The following TNN variants were observed in gnomAD, a reference collection of about 807,000 sequenced individuals.
The protein encoded by TNN is tenascin-N.
In TNN, 122 loss-of-function variants were observed where a neutral mutation model predicts 134.4. The observed-to-expected ratio is 0.91, with a 90% CI of 0.78 to 1.06. The LOEUF is 1.06. Among genes scored for constraint, TNN ranks in the 50% least tolerant of loss-of-function variants. The pLI is 0.00. For synonymous variants in TNN, 710 were observed against 670.3 expected, an observed-to-expected ratio of 1.06 and a Z score of -0.91; for missense variants, 1,739 against 1,699.4, an observed-to-expected ratio of 1.02 and a Z score of -0.41.
chr1:175,123,643 C>G lies in TNN; in HGVS notation c.2894C>G (p.Ala965Gly). The change falls in exon 12 of 19, where the codon GCT (alanine) becomes GGT (glycine). Residue 965 changes from alanine (A) to glycine (G), a missense_variant. Transcript: ENST00000239462. ...AQKGAQESKKADTKAQTELDP... is the reference protein window; with the variant it reads ...AQKGAQESKKGDTKAQTELDP... ...AAGGGGGCCCAGGAGAGCAAGAAGG[C>G]TGACACCAAGGCCCAGACAGGTACT... 6.2e-7 allele frequency: 1 copy of G among 1,614,222 alleles called. No homozygotes were observed. Among genetic ancestry groups the G allele is most frequent in the South Asian group, 1.1e-5 (1 of 91,090 alleles).
chr1:175,083,669 C>A, intron 4 of TNN, 81 bp from the exon 5 acceptor site: 1 of 1,365,500 alleles, frequency 7.3e-7, no homozygotes, highest in Non-Finnish European at 1.0e-6. Flanking sequence ...GGGAGCTGAC[C>A]TGATAACCAA....
chr1:175,079,225 T>A, intron 2 of TNN, 108 bp from the exon 3 acceptor site: 1 of 1,313,902 alleles, frequency 7.6e-7, no homozygotes, highest in East Asian at 2.8e-5. Flanking sequence ...ACCAGACCCT[T>A]AAGAGTGGGG....
At chr1:175,129,296 C>T (rs1390563975) in intron 15 of TNN, among the ~76,000 whole-genome samples, 2 of 152,138 alleles carry the variant, frequency 1.3e-5, no homozygotes, top group Non-Finnish European at 2.9e-5. Context: ...GTTTAGTAAA[C>T]ACTGTCAATC....
At position 175,077,728 on chromosome 1, in the gene TNN, A is replaced by T; in HGVS notation, c.310A>T (p.Ser104Cys). 6.2e-7 allele frequency: 1 copy of T among 1,614,252 alleles called. No homozygotes were observed. Among genetic ancestry groups the T allele is most frequent in the Admixed American group, 1.7e-5 (1 of 60,028 alleles). Residue 104 changes from serine (S) to cysteine (C), a missense_variant, in exon 2 of 19, where the codon AGT becomes TGT. Coordinates refer to ENST00000239462, the MANE Select transcript of TNN (RefSeq NM_022093.2). Reference sequence around the variant, plus strand: ...ACAGAAGGACTGCGAGTTGGCAGGCAGTGTCCAGGACCTCCTGGCCCGGGT... The same window carrying T: ...ACAGAAGGACTGCGAGTTGGCAGGCTGTGTCCAGGACCTCCTGGCCCGGGT... ...TPQKDCELAGSVQDLLARVKK... is the reference protein window; with the variant it reads ...TPQKDCELAGCVQDLLARVKK...
At chr1:175,075,970 T>C (rs1674029348) in intron 1 of TNN, among the ~76,000 whole-genome samples, 1 of 152,162 alleles carries the variant, frequency 6.6e-6, no homozygotes, top group African/African-American at 2.4e-5. Context: ...GGTCTTGGGT[T>C]AGTTACAGAA....
intron 9 of TNN, among the ~76,000 whole-genome samples, chr1:175,100,091 CAGAGCAACCAGCTA>C (rs1674681379): frequency 6.6e-6 from 1 of 152,208 alleles, no homozygotes; most frequent in Non-Finnish European, 1.5e-5. Flanking sequence ...TGCTCTGTGT[CAGAGCAACCAGCTA>C]TTTTCTTATC....
chr1:175,127,051 TTC>T lies in TNN; in HGVS notation c.3013_3014del (p.Leu1005AspfsTer10). ...CCCTCTGCTCAGATCCACGGCTACA[TTC>T]TGACTTACCAGTTCCCAGATGGCAC... is the stretch of plus-strand genomic sequence containing the variant. On this transcript the variant is annotated frameshift_variant, in exon 13 of 19. Coordinates refer to ENST00000239462, the MANE Select transcript of TNN (RefSeq NM_022093.2). LOFTEE classifies it high-confidence loss of function. 1 of 1,614,094 alleles carries T rather than the reference TTC, an allele frequency of 6.2e-7. No individual in the cohort carries two copies.
intron 1 of TNN, 79 bp from the exon 2 acceptor site, chr1:175,077,305 T>C: frequency 9.1e-7 from 1 of 1,100,344 alleles, no homozygotes; most frequent in Non-Finnish European, 1.3e-6. Flanking sequence ...TTCCTTGGGC[T>C]CTTAGAATCT....
At chr1:175,073,209 T>C (rs1473014257) in intron 1 of TNN, among the ~76,000 whole-genome samples, 1 of 152,156 alleles carries the variant, frequency 6.6e-6, no homozygotes, top group Admixed American at 6.5e-5. Context: ...ACACTGTGCA[T>C]CTGGGATTGC....
chr1:175,082,136 A>G (rs958769648), intron 4 of TNN, among the ~76,000 whole-genome samples: 3 of 152,212 alleles, frequency 2.0e-5, no homozygotes, highest in African/African-American at 7.2e-5. Context: ...TCTGGCTGGC[A>G]GAGTCTGCTT....
In TNN at chr1:175,102,905, A is replaced by G. The variant is rs1016572992; in HGVS notation, c.2119+4310A>G. Among the ~76,000 whole-genome samples the G allele has an allele frequency of 2.1e-5, 3 of 145,908 alleles. 1 individual carries two copies. Among genetic ancestry groups the G allele is most frequent in the African/African-American group, 7.4e-5 (3 of 40,572 alleles). On this transcript the variant is annotated intron_variant, in intron 9 of 18. Transcript: ENST00000239462. ...CAGGACACCCCAACTGCTGTTGGCA[A>G]TTTGGCCGATGACCACTCTAGCTAC...
chr1:175,097,437 C>G lies in TNN; in HGVS notation c.1609C>G (p.Leu537Val), dbSNP rs146254269. ...TAAAGAAATTGACAGCCCAGCAAAC[C>G]TGGTGACTGACCGGGTGACTGAGAA... Reference protein sequence around the residue: ...ALTEIDSPANLVTDRVTENTA... With the variant: ...ALTEIDSPANVVTDRVTENTA... The change falls in exon 8 of 19, where the codon CTG (leucine) becomes GTG (valine). Residue 537 changes from leucine to valine, a missense_variant. Leu to Val is a conservative substitution (Grantham distance 32). Coordinates refer to ENST00000239462, the MANE Select transcript of TNN (RefSeq NM_022093.2). The G allele has an allele frequency of 6.2e-7, 1 of 1,614,224 alleles. No homozygotes were observed.
intron 9 of TNN, among the ~76,000 whole-genome samples, chr1:175,100,428 G>A (rs559621383): frequency 3.3e-5 from 5 of 152,242 alleles, no homozygotes; most frequent in African/African-American, 9.6e-5. Flanking sequence ...CTCACCCATG[G>A]GACTCACAGT....
At chr1:175,099,398 AGGGGTCAGGAGGAGAAGAG>A (rs1674658460) in intron 9 of TNN, among the ~76,000 whole-genome samples, 1 of 149,994 alleles carries the variant, frequency 6.7e-6, no homozygotes, top group Non-Finnish European at 1.5e-5. Flanking sequence ...AGGAGAGGTG[AGGGGTCAGGAGGAGAAGAG>A]GTAAGGGGTC....
intron 1 of TNN, among the ~76,000 whole-genome samples, chr1:175,069,827 G>A (rs1016407477): frequency 1.3e-5 from 2 of 152,322 alleles, no homozygotes; most frequent in Middle Eastern, 3.4e-3. Flanking sequence ...GTGGAACAGT[G>A]CAAATGCTTG....
intron 11 of TNN, among the ~76,000 whole-genome samples, chr1:175,121,419 G>A (rs994173729): frequency 6.6e-6 from 1 of 152,182 alleles, no homozygotes; most frequent in Non-Finnish European, 1.5e-5. Context: ...GAGATGAGGC[G>A]GGAGGAGCAG....
intron 12 of TNN, 30 bp downstream of exon 12, chr1:175,123,693 C>CCTCA (rs749988297): frequency 4.0e-5 from 64 of 1,612,602 alleles, no homozygotes; most frequent in Non-Finnish European, 5.1e-5. Flanking sequence ...CAGGGGAACA[C>CCTCA]CTCACACTTA....
At chr1:175,129,629 TGA>T (rs1347620318) in intron 15 of TNN, among the ~76,000 whole-genome samples, 1 of 151,712 alleles carries the variant, frequency 6.6e-6, no homozygotes. Flanking sequence ...TTAGAGTAAG[TGA>T]GAGAGGATTG....
chr1:175,090,280 C>A (rs768140475), intron 6 of TNN, among the ~76,000 whole-genome samples: 2 of 152,188 alleles, frequency 1.3e-5, no homozygotes, highest in Non-Finnish European at 2.9e-5. Context: ...GAAGGGCTGA[C>A]CTCTCTGAGT....
Sources: gnomAD v4.1 joint callset for allele counts (sites outside exome capture counted in the v4.1 genomes callset) on GRCh38, gnomAD v4.1.1 for gene constraint, MANE v1.5 for transcripts, NCBI Gene and HGNC (gene_info 2026-07-23, HGNC 2026-07-21) for gene names.